DYSF: variants seen among roughly 807,000 people sequenced by gnomAD.
DYSF encodes the protein dystrophy-associated fer-1-like 1.
A neutral mutation model predicts 274.9 loss-of-function variants in DYSF; 212 were observed. The observed-to-expected ratio is 0.77, with a 90% CI of 0.69 to 0.86. The LOEUF (loss-of-function observed/expected upper bound fraction) is 0.86. DYSF is among the 40% of genes least tolerant of loss of function. The probability of loss-of-function intolerance (pLI) is 0.00; values close to 1 mark genes in which losing one functional copy is unlikely to be tolerated. For synonymous variants in DYSF, 1,091 were observed against 1,078.7 expected, an observed-to-expected ratio of 1.01 and a Z score of -0.22; for missense variants, 2,666 against 2,783.2, an observed-to-expected ratio of 0.96 and a Z score of 0.95.
chr2:71,618,350 G>GGA (rs2093978138), intron 40 of DYSF, among the ~76,000 whole-genome samples: 4 of 5,136 alleles, frequency 7.8e-4, no homozygotes, highest in Non-Finnish European at 1.2e-3. Flanking sequence ...GTGGTAGAGG[G>GGA]GTGTGTGTGT....
At chr2:71,657,149 A>G (rs2094790608) in intron 43 of DYSF, among the ~76,000 whole-genome samples, 2 of 152,158 alleles carry the variant, frequency 1.3e-5, no homozygotes, top group Non-Finnish European at 2.9e-5. Flanking sequence ...GCCATTCCAA[A>G]TGGGAGAAAT....
intron 4 of DYSF, among the ~76,000 whole-genome samples, chr2:71,511,606 C>G (rs192829899): frequency 6.6e-6 from 1 of 152,212 alleles, no homozygotes; most frequent in African/African-American, 2.4e-5. Context: ...AGTGGTGGAA[C>G]CTGACCCCGG....
At chr2:71,536,854 A>G (rs1379133309) in intron 16 of DYSF, among the ~76,000 whole-genome samples, 2 of 152,206 alleles carry the variant, frequency 1.3e-5, no homozygotes, top group East Asian at 1.9e-4. Context: ...GAAAATGCAG[A>G]TAAGCTCTTG....
chr2:71,634,580 G>T (rs183192055), intron 41 of DYSF, among the ~76,000 whole-genome samples: 273 of 152,166 alleles, frequency 1.8e-3, no homozygotes, highest in Non-Finnish European at 3.1e-3. Flanking sequence ...ACATCTGTGA[G>T]TGTGTTAAAA....
intron 29 of DYSF, among the ~76,000 whole-genome samples, chr2:71,571,597 CA>C (rs2092459031): frequency 7.1e-6 from 1 of 140,054 alleles, no homozygotes; most frequent in Non-Finnish European, 1.5e-5. Flanking sequence ...ACCCAGCACA[CA>C]CAGCTCACAC....
intron 17 of DYSF, among the ~76,000 whole-genome samples, chr2:71,542,949 C>T (rs886198426): frequency 4.1e-5 from 6 of 145,546 alleles, no homozygotes; most frequent in East Asian, 4.4e-4. Context: ...AAGGGGCGGC[C>T]GGGCAGAGGC....
rs1186387632 is a variant in DYSF, at chr2:71,467,455, G to A, written c.91+522G>A. ...TAGGATGGAAATGGCCTTGACACAA[G>A]GAGTTTTGAGGAATGTCAAGGATAT... On this transcript the variant is annotated intron_variant, in intron 1 of 55. Coordinates refer to ENST00000410020, the MANE Select transcript of DYSF (RefSeq NM_001130987.2). 3.3e-5 allele frequency among the ~76,000 whole-genome samples: 5 copies of A among 152,208 alleles called. 1 individual carries two copies. The highest frequency in any genetic ancestry group is 3.3e-4 in the Admixed American group (5 of 15,282).
chr2:71,652,926 G>A (rs2094691435), intron 42 of DYSF, among the ~76,000 whole-genome samples: 1 of 152,194 alleles, frequency 6.6e-6, no homozygotes, highest in Non-Finnish European at 1.5e-5. Flanking sequence ...TAACCATTTA[G>A]CAAAAAATAA....
At chr2:71,645,640 A>G (rs1386144128) in intron 42 of DYSF, among the ~76,000 whole-genome samples, 1 of 132 alleles carries the variant, frequency 7.6e-3, no homozygotes, top group Non-Finnish European at 0.019. Flanking sequence ...TGTCCTCCCT[A>G]GGCCTGTGGC....
chr2:71,592,567 G>A (rs1239190091), intron 32 of DYSF, among the ~76,000 whole-genome samples: 4 of 152,210 alleles, frequency 2.6e-5, no homozygotes, highest in African/African-American at 9.7e-5. Flanking sequence ...GCTGTGCATG[G>A]CCACCGGCTG....
intron 3 of DYSF, among the ~76,000 whole-genome samples, chr2:71,500,969 T>A (rs918926212): frequency 2.0e-5 from 3 of 152,126 alleles, no homozygotes; most frequent in African/African-American, 7.2e-5. Flanking sequence ...GACTCATGCA[T>A]CCTCTATACC....
intron 52 of DYSF, among the ~76,000 whole-genome samples, chr2:71,676,962 C>T (rs1413296227): frequency 6.6e-6 from 1 of 150,874 alleles, no homozygotes; most frequent in Non-Finnish European, 1.5e-5. Context: ...GTTTAATATT[C>T]TGACATTTGC....
Position 71,526,281 on chromosome 2 carries a change from C to T in DYSF, c.1211C>T (p.Thr404Ile). Reference sequence around the variant, plus strand: ...ATTGAAAGCAACCTGCTCCGGCCCACAGGCGTAGCCCTGCGAGGAGCCCAC... The same window carrying T: ...ATTGAAAGCAACCTGCTCCGGCCCATAGGCGTAGCCCTGCGAGGAGCCCAC... ...EDIESNLLRP[T>I]GVALRGAHFC... The change falls in exon 13 of 56, where the codon ACA (threonine) becomes ATA (isoleucine). Residue 404 changes from threonine (T) to isoleucine (I), a missense_variant. By Grantham distance (89) the Thr-to-Ile change is moderately conservative. Coordinates refer to ENST00000410020, the MANE Select transcript of DYSF (RefSeq NM_001130987.2). 1.2e-6 allele frequency: 2 copies of T among 1,614,250 alleles called. No homozygotes were observed. Among genetic ancestry groups the T allele is most frequent in the South Asian group, 2.2e-5 (2 of 91,088 alleles).
intron 1 of DYSF, among the ~76,000 whole-genome samples, chr2:71,476,219 G>A (rs1414786521): frequency 6.6e-6 from 1 of 152,132 alleles, no homozygotes; most frequent in African/African-American, 2.4e-5. Flanking sequence ...TGGTACAACA[G>A]CAATGGCAGC....
At chr2:71,686,325 G>T (rs959388036) in intron 55 of DYSF, 129 bp from the exon 56 acceptor site, 2 of 1,161,072 alleles carry the variant, frequency 1.7e-6, no homozygotes, top group East Asian at 2.3e-5. Flanking sequence ...AGCCACGAGC[G>T]TCCTCTCCCA....
Position 71,539,189 on chromosome 2 carries a change from C to A in DYSF, c.1526C>A (p.Thr509Asn), listed in dbSNP as rs773695697. The A allele has an allele frequency of 6.2e-7, 1 of 1,614,106 alleles. No individual in the cohort carries two copies. Among genetic ancestry groups the A allele is most frequent in the Non-Finnish European group, 8.5e-7 (1 of 1,180,024 alleles). The change falls in exon 17 of 56, where the codon ACC becomes AAC. Residue 509 changes from threonine to asparagine, a missense_variant. Transcript: ENST00000410020. ...CTGACTCACAATGACATCGTGGCTA[C>A]CACCTACCTGAGTATGTCGAAAATC... ...DRLTHNDIVA[T>N]TYLSMSKISA...
chr2:71,545,733 G>T (rs976729948), intron 17 of DYSF, among the ~76,000 whole-genome samples: 1 of 152,126 alleles, frequency 6.6e-6, no homozygotes, highest in Non-Finnish European at 1.5e-5. Flanking sequence ...CGCTGCAGCC[G>T]TGCCTACCAC....
chr2:71,629,279 C>T (rs2094271472), intron 41 of DYSF, among the ~76,000 whole-genome samples: 1 of 152,130 alleles, frequency 6.6e-6, no homozygotes, highest in African/African-American at 2.4e-5. Flanking sequence ...ATTTTTATTT[C>T]TAAAAGTTTT....
intron 1 of DYSF, among the ~76,000 whole-genome samples, chr2:71,460,017 G>A (rs2081221274): frequency 6.6e-6 from 1 of 151,906 alleles, no homozygotes; most frequent in African/African-American, 2.4e-5. Context: ...GGGTCCCGAG[G>A]AGCTGCCCTC....
Sources: allele counts gnomAD v4.1 joint callset (sites outside exome capture counted in the v4.1 genomes callset), GRCh38; gene constraint gnomAD v4.1.1; transcripts MANE v1.5; gene names NCBI Gene and HGNC (gene_info 2026-07-23, HGNC 2026-07-21).